The following KCNMA1 variants were observed in gnomAD, a reference collection of about 807,000 sequenced individuals.
The protein encoded by KCNMA1 is potassium calcium-activated channel subfamily M alpha 1.
In KCNMA1, 29 loss-of-function variants were observed where a neutral mutation model predicts 140.0. The ratio of observed to expected loss-of-function variants is 0.21; its 90% CI spans 0.15 to 0.28. The LOEUF is 0.28. KCNMA1 is among the 10% of genes least tolerant of loss of function. The pLI, the probability that KCNMA1 is intolerant of heterozygous loss-of-function variation, is 1.00. For synonymous variants in KCNMA1, 612 were observed against 611.9 expected (o/e 1.00, Z 0.00); for missense variants, 880 against 1,602.2 (o/e 0.55, Z 7.70).
At chr10:77,261,486 C>T (rs992322867) in intron 2 of KCNMA1, among the ~76,000 whole-genome samples, 2 of 152,102 alleles carry the variant, frequency 1.3e-5, no homozygotes, top group African/African-American at 4.8e-5. Flanking sequence ...GGAGTGTTGT[C>T]CTACATCCTG....
At chr10:76,964,960 C>T (rs2073287742) in intron 20 of KCNMA1, among the ~76,000 whole-genome samples, 1 of 152,168 alleles carries the variant, frequency 6.6e-6, no homozygotes, top group Admixed American at 6.5e-5. Flanking sequence ...TTATCCTTGC[C>T]AGCCCAGCTG....
intron 1 of KCNMA1, among the ~76,000 whole-genome samples, chr10:77,561,567 A>G (rs1356535347): frequency 1.3e-5 from 2 of 152,214 alleles, no homozygotes; most frequent in Non-Finnish European, 2.9e-5. Flanking sequence ...CTGGCGCAGA[A>G]GCAGAGACTC....
chr10:77,532,911 A>T (rs994809979), intron 1 of KCNMA1, among the ~76,000 whole-genome samples: 4 of 152,178 alleles, frequency 2.6e-5, no homozygotes, highest in Non-Finnish European at 5.9e-5. Flanking sequence ...AGGGTCCCCA[A>T]AAGCTATCAT....
intron 2 of KCNMA1, among the ~76,000 whole-genome samples, chr10:77,301,112 G>A (rs7894324): frequency 0.34 from 51,377 of 151,988 alleles, 9,526 homozygotes; most frequent in East Asian, 0.48. Flanking sequence ...CCTCTTCCAG[G>A]AGAATCAAAA....
intron 1 of KCNMA1, among the ~76,000 whole-genome samples, chr10:77,417,991 C>T (rs1023431563): frequency 6.6e-6 from 1 of 152,186 alleles, no homozygotes; most frequent in Non-Finnish European, 1.5e-5. Flanking sequence ...GACTCTGCCT[C>T]TGACCTCACC....
chr10:77,207,092 C>T (rs535490548), intron 3 of KCNMA1, among the ~76,000 whole-genome samples: 4 of 152,134 alleles, frequency 2.6e-5, no homozygotes, highest in Admixed American at 6.5e-5. Flanking sequence ...CACATATTTC[C>T]GCTTTCATTT....
intron 1 of KCNMA1, among the ~76,000 whole-genome samples, chr10:77,544,154 G>GTGTGTA (rs1310257640): frequency 2.9e-4 from 42 of 142,730 alleles, no homozygotes; most frequent in African/African-American, 1.0e-3. Flanking sequence ...TTCCAGCTGT[G>GTGTGTA]TGTGTGTGTG....
intron 1 of KCNMA1, among the ~76,000 whole-genome samples, chr10:77,561,918 G>A (rs545479969): frequency 2.0e-5 from 3 of 152,296 alleles, no homozygotes; most frequent in African/African-American, 7.2e-5. Flanking sequence ...AGTCGAAACT[G>A]AATTTTTGCA....
At chr10:77,577,770 T>C (rs376063667) in intron 1 of KCNMA1, among the ~76,000 whole-genome samples, 1 of 152,186 alleles carries the variant, frequency 6.6e-6, no homozygotes, top group Non-Finnish European at 1.5e-5. Flanking sequence ...ACTCTGACAG[T>C]CTGGTTTCCA....
intron 23 of KCNMA1, among the ~76,000 whole-genome samples, chr10:76,934,403 A>C (rs1396087481): frequency 6.6e-6 from 1 of 152,230 alleles, no homozygotes; most frequent in African/African-American, 2.4e-5. Flanking sequence ...ACAAAAATGC[A>C]CTGAATAGCT....
At chr10:77,347,075 C>T (rs999128819) in intron 2 of KCNMA1, among the ~76,000 whole-genome samples, 1 of 152,102 alleles carries the variant, frequency 6.6e-6, no homozygotes, top group Non-Finnish European at 1.5e-5. Flanking sequence ...TCCCTTAATC[C>T]CACAGAGCCT....
rs201534741 is a variant in KCNMA1 at position 76,909,995 on chromosome 10, C to T, written c.3118G>A (p.Val1040Ile). 54 of 1,613,780 alleles carry T rather than the reference C, an allele frequency of 3.3e-5. No individual in the cohort carries two copies. Among genetic ancestry groups the T allele is most frequent in the South Asian group, 1.4e-4 (13 of 91,060 alleles). Residue 1040 changes from valine (V) to isoleucine (I), a missense_variant, in exon 25 of 28, where the codon GTC (valine) becomes ATC (isoleucine). By Grantham distance (29) the Val-to-Ile change is conservative. This residue lies in a region of KCNMA1 where 7 missense variants were observed against 51.1 expected (regional missense o/e 0.14). Coordinates refer to ENST00000286628, the MANE Select transcript of KCNMA1 (RefSeq NM_001161352.2). ...CTCATGAGTGAGTCCAGGACACTGA[C>T]GGCAAATGCTGTCCCACAGGCAAAG... ...QPFACGTAFA[V>I]SVLDSLMSAT...
At chr10:77,568,604 T>G (rs2069377444) in intron 1 of KCNMA1, among the ~76,000 whole-genome samples, 1 of 151,122 alleles carries the variant, frequency 6.6e-6, no homozygotes, top group Non-Finnish European at 1.5e-5. Flanking sequence ...AAGAGCTATC[T>G]ATGACAAACC....
chr10:77,460,228 G>A (rs1160065972), intron 1 of KCNMA1, among the ~76,000 whole-genome samples: 3 of 152,060 alleles, frequency 2.0e-5, no homozygotes, highest in Non-Finnish European at 4.4e-5. Flanking sequence ...AGTCTGCTGC[G>A]CTCTCCCACC....
In KCNMA1 at chr10:77,403,934, G is replaced by A. The variant is rs140636629; in HGVS notation, c.468C>T (p.Val156=). 2.4e-5 allele frequency: 39 copies of A among 1,614,120 alleles called. No homozygotes were observed. The highest frequency in any genetic ancestry group is 1.6e-4 in the African/African-American group (12 of 75,040). ...AGTCCTTCACGGAGGTCATCCAGCC[G>A]ACCTCGGCGGCCACTGCCTCCTCTT... ...DEKEEAVAAE[V]GWMTSVKDWA... is the part of the protein sequence containing the mutation. Residue 156 remains valine, a synonymous_variant, in exon 2 of 28, where the codon GTC becomes GTT. Coordinates refer to ENST00000286628, the MANE Select transcript of KCNMA1 (RefSeq NM_001161352.2).
intron 21 of KCNMA1, among the ~76,000 whole-genome samples, chr10:76,950,890 G>A (rs921361337): frequency 6.6e-5 from 10 of 152,172 alleles, no homozygotes; most frequent in African/African-American, 2.4e-4. Flanking sequence ...GACCAAGGAA[G>A]ACCCACTGGG....
intron 1 of KCNMA1, among the ~76,000 whole-genome samples, chr10:77,515,125 T>C (rs2049925579): frequency 6.6e-6 from 1 of 152,084 alleles, no homozygotes; most frequent in South Asian, 2.1e-4. Context: ...GTTTGCTTCC[T>C]TAATCCAAAA....
rs763122114 is a variant in KCNMA1 at position 77,084,653 on chromosome 10, C to T, written c.1507G>A (p.Ala503Thr). 1 of 1,613,986 alleles carries T rather than the reference C, an allele frequency of 6.2e-7. No homozygotes were observed. Among genetic ancestry groups the T allele is most frequent in the Non-Finnish European group, 8.5e-7 (1 of 1,179,960 alleles). The change falls in exon 12 of 28, where the codon GCC becomes ACC. Residue 503 changes from alanine (A) to threonine (T), a missense_variant. Transcript: ENST00000286628. ...KYCADPDAED[A>T]SNIMRVISIK... is the part of the protein sequence containing the mutation. The stretch of plus-strand genomic sequence containing the variant: ...AAGAGTTACCTCATGATATTCGAGG[C>T]ATCCTCCGCATCCGGGTCAGCGCAG...
chr10:77,414,751 A>G (rs2096701082), intron 1 of KCNMA1, among the ~76,000 whole-genome samples: 1 of 152,024 alleles, frequency 6.6e-6, no homozygotes. Flanking sequence ...CAGCCTCCCA[A>G]AGTGCTGGGA....
Sources: gnomAD v4.1 joint callset for allele counts (sites outside exome capture counted in the v4.1 genomes callset) on GRCh38, gnomAD v4.1.1 for gene constraint, gnomAD v4.1.1 regional missense constraint, MANE v1.5 for transcripts, NCBI Gene and HGNC (gene_info 2026-07-23, HGNC 2026-07-21) for gene names.